The following ASCC3 variants were observed in gnomAD, a reference collection of about 807,000 sequenced individuals.
The protein encoded by ASCC3 is ASC-1 complex subunit P200.
A neutral mutation model predicts 256.3 loss-of-function variants in ASCC3; 158 were observed. That is an observed-to-expected ratio of 0.62 (90% CI 0.54 to 0.70). The LOEUF is 0.70. Among genes scored for constraint, ASCC3 ranks in the 30% least tolerant of loss-of-function variants. The pLI is 0.00. For missense variants in ASCC3, 2,259 were observed against 2,626.0 expected (o/e 0.86, Z 3.05); for synonymous variants, 948 against 883.4 (o/e 1.07, Z -1.30).
At position 100,596,319 on chromosome 6, in the gene ASCC3, A is replaced by C. The variant is rs548255408; in HGVS notation, c.5303+5491T>G. The stretch of plus-strand genomic sequence containing the variant: ...GATATTTTGTTAGGGACATATGTAC[A>C]AAGATACAATGGATACAAATTCAAG... On this transcript the variant is annotated intron_variant, in intron 34 of 41. Coordinates refer to ENST00000369162, the MANE Select transcript of ASCC3 (RefSeq NM_006828.4). Among the ~76,000 whole-genome samples the C allele has an allele frequency of 4.6e-5, 7 of 152,338 alleles. No homozygotes were observed. In the South Asian group the frequency reaches 8.3e-4, roughly 18 times the overall value.
rs917571895 is a variant in ASCC3 at position 100,851,641 on chromosome 6, G to A, written c.242-2934C>T. 6.5e-4 allele frequency among the ~76,000 whole-genome samples: 99 copies of A among 152,162 alleles called. 1 individual carries two copies. Among genetic ancestry groups the A allele is most frequent in the Admixed American group, 6.3e-3 (96 of 15,272 alleles). ...AAAAAAATTTAAACCTTGCTGGGTT[G>A]TGGTGTTTCATAAATGTTAATACTC... On this transcript the variant is annotated intron_variant, in intron 3 of 41. Transcript: ENST00000369162.
chr6:100,791,387 A>G (rs1310912134), intron 8 of ASCC3, among the ~76,000 whole-genome samples: 1 of 151,994 alleles, frequency 6.6e-6, no homozygotes, highest in East Asian at 1.9e-4. Context: ...GATTCTGTAT[A>G]AAAGATGTCA....
intron 15 of ASCC3, 52 bp from the exon 16 acceptor site, chr6:100,662,082 C>T: frequency 6.6e-7 from 1 of 1,521,774 alleles, no homozygotes; most frequent in Non-Finnish European, 9.1e-7. Context: ...CAAATATAAT[C>T]CTGATGAACT....
chr6:100,589,152 A>AT (rs938774892), intron 36 of ASCC3, among the ~76,000 whole-genome samples: 8 of 152,086 alleles, frequency 5.3e-5, no homozygotes, highest in African/African-American at 1.4e-4. Context: ...ATCTGTGGTC[A>AT]TTTTTTTGGT....
intron 34 of ASCC3, among the ~76,000 whole-genome samples, chr6:100,597,490 A>G (rs1162101257): frequency 1.3e-5 from 2 of 152,178 alleles, no homozygotes; most frequent in Non-Finnish European, 2.9e-5. Context: ...AGAAAGTAAG[A>G]GTTGCCAATC....
chr6:100,746,550 G>C (rs1476219889), intron 10 of ASCC3, among the ~76,000 whole-genome samples: 1 of 152,136 alleles, frequency 6.6e-6, no homozygotes, highest in East Asian at 1.9e-4. Flanking sequence ...TTAATGCAAT[G>C]TTTTCTGGGA....
intron 11 of ASCC3, among the ~76,000 whole-genome samples, chr6:100,718,600 G>T (rs1779189364): frequency 6.7e-6 from 1 of 150,216 alleles, no homozygotes; most frequent in South Asian, 2.1e-4. Context: ...TCTACCAAAA[G>T]AAAAAAAAAT....
rs1781171459 is a variant in ASCC3 at position 100,756,194 on chromosome 6, A to G, written c.1737+10371T>C. ...CCAAAATTTTGTTATGACAAATGGT[A>G]TTTCCAAATAATTAAAAAAAAAAAC... On this transcript the variant is annotated intron_variant, in intron 10 of 41. Coordinates refer to ENST00000369162, the MANE Select transcript of ASCC3 (RefSeq NM_006828.4). Among the ~76,000 whole-genome samples the G allele has an allele frequency of 3.3e-5, 5 of 152,034 alleles. No homozygotes were observed. In the South Asian group the frequency reaches 1.0e-3, roughly 31 times the overall value.
chr6:100,815,980 A>G (rs1770726235), intron 4 of ASCC3, among the ~76,000 whole-genome samples: 1 of 152,152 alleles, frequency 6.6e-6, no homozygotes, highest in Non-Finnish European at 1.5e-5. Flanking sequence ...CAGATAACCT[A>G]CAGAATGAGA....
At chr6:100,723,889 T>TAATTATATATATG (rs1779480745) in intron 11 of ASCC3, among the ~76,000 whole-genome samples, 1 of 136,666 alleles carries the variant, frequency 7.3e-6, no homozygotes, top group African/African-American at 2.7e-5. Flanking sequence ...TATATATATA[T>TAATTATATATATG]ATATATATTT....
At chr6:100,734,758 G>C (rs1367710996) in intron 10 of ASCC3, among the ~76,000 whole-genome samples, 1 of 152,070 alleles carries the variant, frequency 6.6e-6, no homozygotes, top group Non-Finnish European at 1.5e-5. Flanking sequence ...ATCAGGGAAA[G>C]AATAAAATCA....
chr6:100,837,175 A>G (rs1276020364), intron 4 of ASCC3, among the ~76,000 whole-genome samples: 1 of 152,132 alleles, frequency 6.6e-6, no homozygotes, highest in East Asian at 1.9e-4. Context: ...ACAATGAGGT[A>G]CCATTTCACT....
chr6:100,661,358 C>CA (rs59816500), intron 16 of ASCC3, among the ~76,000 whole-genome samples: 3 of 143,156 alleles, frequency 2.1e-5, no homozygotes, highest in African/African-American at 7.6e-5. Context: ...CACACACACA[C>CA]AAAACAAATG....
At chr6:100,868,172 C>A in intron 1 of ASCC3, 134 bp from the exon 2 acceptor site, 1 of 612,174 alleles carries the variant, frequency 1.6e-6, no homozygotes, top group Non-Finnish European at 2.9e-6. Context: ...TTGAAAAATT[C>A]TCCTGACATA....
intron 39 of ASCC3, 54 bp from the exon 40 acceptor site, chr6:100,512,972 G>C (rs569643905): frequency 1.3e-5 from 19 of 1,477,232 alleles, no homozygotes; most frequent in Non-Finnish European, 1.7e-5. Flanking sequence ...GAAATGCAAT[G>C]ATCAATTAAG....
In ASCC3 at chr6:100,536,288, C is replaced by T. The variant is rs185976470; in HGVS notation, c.5775+3875G>A. 2.0e-5 allele frequency among the ~76,000 whole-genome samples: 3 copies of T among 152,076 alleles called. No individual in the cohort carries two copies. In the East Asian group the frequency reaches 5.8e-4, roughly 29 times the overall value. On this transcript the variant is annotated intron_variant, in intron 37 of 41. Transcript: ENST00000369162. ...AAAAAAGGAGGAAGACTAAGTGAAC[C>T]CTTTGGTCTTAGATTGAAATAAGAG...
chr6:100,520,589 T>C (rs1463587330), intron 37 of ASCC3, among the ~76,000 whole-genome samples: 1 of 152,154 alleles, frequency 6.6e-6, no homozygotes, highest in Non-Finnish European at 1.5e-5. Context: ...TAATGATGTT[T>C]TGATCAATAA....
At chr6:100,586,989 A>G (rs1249111895) in intron 36 of ASCC3, among the ~76,000 whole-genome samples, 1 of 152,208 alleles carries the variant, frequency 6.6e-6, no homozygotes, top group South Asian at 2.1e-4. Flanking sequence ...AGAAACATCA[A>G]TGAATGTATC....
intron 1 of ASCC3, among the ~76,000 whole-genome samples, chr6:100,872,142 C>T (rs535593146): frequency 6.6e-6 from 1 of 152,296 alleles, no homozygotes; most frequent in East Asian, 1.9e-4. Context: ...CAAAATGTAG[C>T]ATCAGAACAA....
Sources: allele counts gnomAD v4.1 joint callset (sites outside exome capture counted in the v4.1 genomes callset), GRCh38; gene constraint gnomAD v4.1.1; transcripts MANE v1.5; gene names NCBI Gene and HGNC (gene_info 2026-07-23, HGNC 2026-07-21).